The following APTX variants were observed in gnomAD, a reference collection of about 807,000 sequenced individuals.
The protein encoded by APTX is forkhead-associated domain histidine triad-like protein.
Under a neutral mutation model 42.3 loss-of-function variants are expected in APTX, and 33 were observed. The ratio of observed to expected loss-of-function variants is 0.78; its 90% CI spans 0.59 to 1.04. The LOEUF is 1.04. APTX is among the 50% of genes least tolerant of loss of function. The pLI is 0.00. For missense variants in APTX, 421 were observed against 415.1 expected, an observed-to-expected ratio of 1.01 and a Z score of -0.12; for synonymous variants, 130 against 146.7, an observed-to-expected ratio of 0.89 and a Z score of 0.82.
chr9:32,976,961 T>C (rs1314021181), intron 6 of APTX, among the ~76,000 whole-genome samples: 1 of 152,234 alleles, frequency 6.6e-6, no homozygotes, highest in East Asian at 1.9e-4. Context: ...CAAGTATTAT[T>C]TGAATATACA....
At chr9:32,993,970 C>T (rs1028169193) in intron 1 of APTX, among the ~76,000 whole-genome samples, 7 of 152,146 alleles carry the variant, frequency 4.6e-5, no homozygotes, top group Admixed American at 2.6e-4. Flanking sequence ...CCGCCCACCT[C>T]GGCCTCCCAA....
At chr9:33,023,364 C>CA (rs1295306595) in intron 1 of APTX, among the ~76,000 whole-genome samples, 1 of 152,132 alleles carries the variant, frequency 6.6e-6, no homozygotes. Context: ...GGTGGGACTA[C>CA]AGGCACGTGC....
chr9:32,985,837 C>T, intron 5 of APTX, 134 bp downstream of exon 5: 1 of 866,372 alleles, frequency 1.2e-6, no homozygotes, highest in Non-Finnish European at 1.9e-6. Flanking sequence ...GCCTCTTGTT[C>T]TCACAGAACA....
chr9:32,984,624 G>C lies in APTX; in HGVS notation c.770+7C>G, dbSNP rs771854083. On this transcript the variant is annotated splice_region_variant and intron_variant, in intron 6 of 7. Transcript: ENST00000379817. ...CAGGAGCCAGCAGCACTACCCACCT[G>C]GCTTACCTCATACTCGGAATGGCGT... 82 of 1,613,726 alleles carry C rather than the reference G, an allele frequency of 5.1e-5. No homozygotes were observed. Among genetic ancestry groups the C allele is most frequent in the Non-Finnish European group, 6.7e-5 (79 of 1,179,742 alleles).
In APTX at chr9:32,984,763, A is replaced by AGG; in HGVS notation, c.637_638insCC (p.Leu213ProfsTer2). The AGG allele has an allele frequency of 6.2e-7, 1 of 1,614,242 alleles. No individual in the cohort carries two copies. Among genetic ancestry groups the AGG allele is most frequent in the African/African-American group, 1.3e-5 (1 of 75,072 alleles). On this transcript the variant is annotated frameshift_variant, in exon 6 of 8. Transcript: ENST00000379817. LOFTEE classifies it high-confidence loss of function. ...AAGGTGTTCCCTGGCCACAGCCTTC[A>AGG]GACTGGAAATGGAGGTCCACGGTAA...
intron 6 of APTX, among the ~76,000 whole-genome samples, chr9:32,978,756 G>T (rs752215994): frequency 2.0e-5 from 3 of 152,106 alleles, no homozygotes; most frequent in Non-Finnish European, 2.9e-5. Context: ...ATCCATGGTG[G>T]GGGACAGGAG....
Position 33,001,561 on chromosome 9 carries a change from C to T in APTX, c.-5+6G>A, listed in dbSNP as rs1836526475. The T allele has an allele frequency of 1.9e-6, 3 of 1,613,876 alleles. No individual in the cohort carries two copies. The highest frequency in any genetic ancestry group is 2.5e-6 in the Non-Finnish European group (3 of 1,180,030). ...AGCAGAAGAGATAGGCTGACGACCG[C>T]CTTACCTCCAGAAGTCGGAGACGGA... is the stretch of plus-strand genomic sequence containing the variant. On this transcript the variant is annotated splice_donor_region_variant and intron_variant, in intron 1 of 7. Coordinates refer to ENST00000379817, the MANE Select transcript of APTX (RefSeq NM_001195248.2).
chr9:32,988,223 G>A (rs1204846011), intron 2 of APTX, 94 bp from the exon 3 acceptor site: 26 of 1,151,230 alleles, frequency 2.3e-5, no homozygotes, highest in South Asian at 1.6e-4. Context: ...CACTACAGGC[G>A]GCAGCTGAAC....
At chr9:33,017,690 G>A (rs1296936757) in intron 1 of APTX, among the ~76,000 whole-genome samples, 1 of 152,174 alleles carries the variant, frequency 6.6e-6, no homozygotes, top group Non-Finnish European at 1.5e-5. Flanking sequence ...CTCAGTTTGG[G>A]GAAGGGATAC....
chr9:32,984,160 A>G (rs1038804565), intron 6 of APTX, among the ~76,000 whole-genome samples: 1 of 152,212 alleles, frequency 6.6e-6, no homozygotes, highest in Non-Finnish European at 1.5e-5. Context: ...CCTTCTGGGC[A>G]TAAGCCACAG....
chr9:32,980,878 A>G (rs986846705), intron 6 of APTX, among the ~76,000 whole-genome samples: 6 of 152,230 alleles, frequency 3.9e-5, no homozygotes, highest in Non-Finnish European at 7.3e-5. Context: ...ACCAAGTAGA[A>G]TGCCTTTTTG....
At position 32,983,566 on chromosome 9, in the gene APTX, G is replaced by T. The variant is rs184305196; in HGVS notation, c.770+1065C>A. The stretch of plus-strand genomic sequence containing the variant: ...TGACTAGGGAAAAATCTGGCACAAA[G>T]ATTTCATTTGGTTCAAGTGGCCAGT... On this transcript the variant is annotated intron_variant, in intron 6 of 7. Coordinates refer to ENST00000379817, the MANE Select transcript of APTX (RefSeq NM_001195248.2). Among the ~76,000 whole-genome samples, 6 of 152,244 alleles carry T rather than the reference G, an allele frequency of 3.9e-5. No individual in the cohort carries two copies. The East Asian group carries it at 1.2e-3, about 29-fold the overall frequency.
At chr9:32,995,780 C>A (rs996577986) in intron 1 of APTX, among the ~76,000 whole-genome samples, 2 of 151,702 alleles carry the variant, frequency 1.3e-5, no homozygotes, top group African/African-American at 4.8e-5. Flanking sequence ...CCCAGCTACT[C>A]TGGAGACTGA....
At chr9:32,993,154 G>A (rs2118950860) in intron 1 of APTX, among the ~76,000 whole-genome samples, 1 of 152,332 alleles carries the variant, frequency 6.6e-6, no homozygotes, top group Admixed American at 6.5e-5. Flanking sequence ...GGCAGATGCA[G>A]GATAATAAGA....
chr9:33,003,881 C>T (rs1157778183), upstream of APTX, among the ~76,000 whole-genome samples: 1 of 152,166 alleles, frequency 6.6e-6, no homozygotes, highest in Non-Finnish European at 1.5e-5. Context: ...ATGTACACAC[C>T]ATACTTTATC....
At chr9:33,015,815 T>C (rs1039990674) in intron 1 of APTX, 1 of 152,238 alleles carries the variant, frequency 6.6e-6, no homozygotes, top group African/African-American at 2.4e-5. Context: ...AAGTTGTTTA[T>C]AACTAATCAA....
At chr9:33,008,686 G>T (rs1341533518) in intron 1 of APTX, among the ~76,000 whole-genome samples, 1 of 152,102 alleles carries the variant, frequency 6.6e-6, no homozygotes, top group Non-Finnish European at 1.5e-5. Flanking sequence ...CCAGTAGCTG[G>T]GATTACAGGC....
chr9:33,008,142 A>G (rs183075624), intron 1 of APTX, among the ~76,000 whole-genome samples: 1 of 152,174 alleles, frequency 6.6e-6, no homozygotes, highest in East Asian at 1.9e-4. Flanking sequence ...TAAAATTCTA[A>G]TATTTGCAGA....
At chr9:32,984,598 C>T in intron 6 of APTX, 33 bp downstream of exon 6, 1 of 1,602,030 alleles carries the variant, frequency 6.2e-7, no homozygotes, top group Non-Finnish European at 8.6e-7. Flanking sequence ...CTGGACAGAA[C>T]CAGGAGCCAG....
Sources: allele counts gnomAD v4.1 joint callset (sites outside exome capture counted in the v4.1 genomes callset), GRCh38; gene constraint gnomAD v4.1.1; transcripts MANE v1.5; gene names NCBI Gene and HGNC (gene_info 2026-07-23, HGNC 2026-07-21).